Variants in IPO9 observed in about 807,000 individuals in gnomAD.
IPO9 encodes importin 9, also known as importin-9.
In IPO9, 28 loss-of-function variants were observed where a neutral mutation model predicts 128.6. That is an observed-to-expected ratio of 0.22 (90% CI 0.16 to 0.30). The LOEUF (loss-of-function observed/expected upper bound fraction) is 0.30, where lower values mean the gene tolerates loss of function less well. Ranked by LOEUF, IPO9 falls within the 10% of genes least tolerant of loss-of-function variation. The probability of loss-of-function intolerance (pLI) is 1.00; values close to 1 mark genes in which losing one functional copy is unlikely to be tolerated. For missense variants in IPO9, 935 were observed against 1,293.9 expected, an observed-to-expected ratio of 0.72 and a Z score of 4.26; for synonymous variants, 455 against 475.8, an observed-to-expected ratio of 0.96 and a Z score of 0.57.
Position 201,868,680 on chromosome 1 carries a change from T to G in IPO9, c.1888T>G (p.Phe630Val), listed in dbSNP as rs746792757. 6.2e-7 allele frequency: 1 copy of G among 1,613,970 alleles called. No homozygotes were observed. Among genetic ancestry groups the G allele is most frequent in the South Asian group, 1.1e-5 (1 of 91,014 alleles). ...PVVASLAQDI[F>V]KELSQIEACQ... ...CGTCGCCTCACTGGCTCAGGACATC[T>G]TCAAGGAGCTGTCCCAGATTGAAGC... Residue 630 changes from phenylalanine to valine, a missense_variant, in exon 16 of 24, where the codon TTC becomes GTC. Transcript: ENST00000361565.
At chr1:201,860,078 C>A (rs1032451985) in intron 13 of IPO9, among the ~76,000 whole-genome samples, 1 of 152,192 alleles carries the variant, frequency 6.6e-6, no homozygotes, top group South Asian at 2.1e-4. Context: ...CCATGCCATG[C>A]CTTTTCTCAT....
intron 1 of IPO9, among the ~76,000 whole-genome samples, chr1:201,832,256 C>CTT (rs11450190): frequency 0.28 from 40,263 of 143,422 alleles, 5,751 homozygotes; most frequent in Non-Finnish European, 0.33. Flanking sequence ...CTAGGAAACA[C>CTT]TTTTTTTTTT....
At chr1:201,829,405 C>T in intron 1 of IPO9, 33 bp downstream of exon 1, 2 of 1,524,118 alleles carry the variant, frequency 1.3e-6, no homozygotes, top group Non-Finnish European at 1.8e-6. Flanking sequence ...GAGGATGGCT[C>T]AGCCGCACAA....
Position 201,830,229 on chromosome 1 carries a change from T to A in IPO9, c.163+857T>A, listed in dbSNP as rs553435166. Among the ~76,000 whole-genome samples the A allele has an allele frequency of 3.9e-5, 6 of 152,316 alleles. No homozygotes were observed. In the South Asian group the frequency reaches 1.2e-3, roughly 32 times the overall value. On this transcript the variant is annotated intron_variant, in intron 1 of 23. Coordinates refer to ENST00000361565, the MANE Select transcript of IPO9 (RefSeq NM_018085.5). ...GTCTTTGTGTAAGAAATATATCTGG[T>A]CAGAGCTTCACTGGAACTCCAAATC...
At chr1:201,874,017 CTG>C (rs770070551) in intron 20 of IPO9, among the ~76,000 whole-genome samples, 9 of 152,210 alleles carry the variant, frequency 5.9e-5, no homozygotes, top group Admixed American at 1.3e-4. Context: ...ACTAACAAGA[CTG>C]TATCTCCTTT....
chr1:201,855,493 C>G (rs1680314480), intron 9 of IPO9, among the ~76,000 whole-genome samples: 1 of 152,182 alleles, frequency 6.6e-6, no homozygotes, highest in Non-Finnish European at 1.5e-5. Flanking sequence ...GATCATGAAT[C>G]TTTCGTTTCT....
intron 16 of IPO9, 27 bp downstream of exon 16, chr1:201,868,823 G>C (rs6667716): frequency 6.3e-7 from 1 of 1,585,870 alleles, no homozygotes; most frequent in South Asian, 1.1e-5. Flanking sequence ...GTGTGTGTGT[G>C]TGTGTGAGAG....
chr1:201,833,870 C>T (rs1679879362), intron 1 of IPO9, among the ~76,000 whole-genome samples: 2 of 152,162 alleles, frequency 1.3e-5, no homozygotes, highest in African/African-American at 2.4e-5. Context: ...ACTGCAGCTT[C>T]TAACTCCTGG....
chr1:201,857,737 G>A (rs1490426024), intron 11 of IPO9, among the ~76,000 whole-genome samples: 1 of 151,024 alleles, frequency 6.6e-6, no homozygotes, highest in East Asian at 1.9e-4. Flanking sequence ...GGAGGTTGTG[G>A]TGAGCCAAGA....
rs1680932725 is a variant in IPO9 at position 201,883,740 on chromosome 1, C to A, written c.*7686C>A. The A allele has an allele frequency of 6.6e-6, 1 of 152,238 alleles. No individual in the cohort carries two copies. Among genetic ancestry groups the A allele is most frequent in the Non-Finnish European group, 1.5e-5 (1 of 68,042 alleles). 9.4% of individuals were successfully genotyped at this position (152,238 alleles called of 1,614,324 possible). A position where few individuals can be genotyped will look rare whatever the true frequency, so the allele number is the denominator to read the frequency against. ...TAGCAGGATAGAGACTCATTCTCAT[C>A]TATTTTGGTTAAAAGAAAATAAATG... On this transcript the variant is annotated 3_prime_UTR_variant, in exon 24 of 24. Coordinates refer to ENST00000361565, the MANE Select transcript of IPO9 (RefSeq NM_018085.5).
intron 4 of IPO9, 63 bp from the exon 5 acceptor site, chr1:201,852,041 T>C (rs1680226435): frequency 1.9e-6 from 2 of 1,052,972 alleles, no homozygotes; most frequent in East Asian, 4.8e-5. Flanking sequence ...TCAGAAAATA[T>C]CACACTTAAT....
chr1:201,866,805 C>CT lies in IPO9; in HGVS notation c.1703dup (p.Leu568PhefsTer51). 6.2e-7 allele frequency: 1 copy of CT among 1,614,168 alleles called. No individual in the cohort carries two copies. The highest frequency in any genetic ancestry group is 8.5e-7 in the Non-Finnish European group (1 of 1,180,032). On this transcript the variant is annotated frameshift_variant, in exon 15 of 24. Transcript: ENST00000361565. LOFTEE classifies it high-confidence loss of function. ...CCTTCCTCCCCAGCATCCTTGATGGCTTAATTCACCTAGCAGCCCAGTTCA... is the reference window on the plus strand; with the variant it reads ...CCTTCCTCCCCAGCATCCTTGATGGCTTTAATTCACCTAGCAGCCCAGTTCA...
At chr1:201,843,274 T>G (rs1483941582) in intron 1 of IPO9, among the ~76,000 whole-genome samples, 1 of 152,210 alleles carries the variant, frequency 6.6e-6, no homozygotes, top group Non-Finnish European at 1.5e-5. Context: ...CCATTAGGAA[T>G]TCTGACCTAA....
rs574261414 is a variant in IPO9 at position 201,869,107 on chromosome 1, C to T, written c.2004+311C>T. Reference sequence around the variant, plus strand: ...CTCTACTAAAAATACAAAAATTAGCCGGGCATGGTGGCAGGCATCTGCAGT... The same window carrying T: ...CTCTACTAAAAATACAAAAATTAGCTGGGCATGGTGGCAGGCATCTGCAGT... On this transcript the variant is annotated intron_variant, in intron 16 of 23. Coordinates refer to ENST00000361565, the MANE Select transcript of IPO9 (RefSeq NM_018085.5). Among the ~76,000 whole-genome samples the T allele has an allele frequency of 3.9e-4, 59 of 152,180 alleles. 1 individual carries two copies. The highest frequency in any genetic ancestry group is 3.5e-3 in the South Asian group (17 of 4,828).
In IPO9 at chr1:201,847,314, C is replaced by T; in HGVS notation, c.199C>T (p.Pro67Ser). Residue 67 changes from proline (P) to serine (S), a missense_variant, in exon 2 of 24, where the codon CCC becomes TCC. This residue lies in a region of IPO9 where 741 missense variants were observed against 1,019.1 expected (regional missense o/e 0.73). Transcript: ENST00000361565. ...GVHLAELTVD[P>S]QGALAIRQLA... ...TCACTTGGCAGAACTGACTGTAGAT[C>T]CCCAGGGGGCACTGGCAATCCGTCA... 6.2e-7 allele frequency: 1 copy of T among 1,613,940 alleles called. No homozygotes were observed. The highest frequency in any genetic ancestry group is 8.5e-7 in the Non-Finnish European group (1 of 1,179,852).
chr1:201,830,871 A>G (rs556202854), intron 1 of IPO9, among the ~76,000 whole-genome samples: 5 of 152,342 alleles, frequency 3.3e-5, no homozygotes, highest in Admixed American at 2.0e-4. Flanking sequence ...CTTGACTTGT[A>G]TTTAAACTGT....
At position 201,874,891 on chromosome 1, in the gene IPO9, T is replaced by G. The variant is rs1273789043; in HGVS notation, c.2893T>G (p.Leu965Val). Residue 965 changes from leucine (L) to valine (V), a missense_variant, in exon 22 of 24, where the codon TTA (leucine) becomes GTA (valine). By Grantham distance (32) the Leu-to-Val change is conservative. Transcript: ENST00000361565. ...GGAAGAGGAGGAGGAGGAGGATGGT[T>G]TAGCTGGCCAACTTTTATCTGACAT... ...EEEEEEEEDGLAGQLLSDILA... is the reference protein window; with the variant it reads ...EEEEEEEEDGVAGQLLSDILA... 3 of 1,613,716 alleles carry G rather than the reference T, an allele frequency of 1.9e-6. No homozygotes were observed. Among genetic ancestry groups the G allele is most frequent in the Non-Finnish European group, 2.5e-6 (3 of 1,179,714 alleles).
chr1:201,862,544 C>A (rs1464739661), intron 13 of IPO9, among the ~76,000 whole-genome samples: 9 of 151,762 alleles, frequency 5.9e-5, no homozygotes, highest in African/African-American at 2.2e-4. Flanking sequence ...CCATGGCTCA[C>A]ACCTGTAATC....
intron 1 of IPO9, among the ~76,000 whole-genome samples, chr1:201,842,890 A>C (rs1680058246): frequency 6.6e-6 from 1 of 152,236 alleles, no homozygotes; most frequent in Non-Finnish European, 1.5e-5. Context: ...AGTTTGATAT[A>C]ATTGAGCTAA....
Sources: allele counts gnomAD v4.1 joint callset (sites outside exome capture counted in the v4.1 genomes callset), GRCh38; gene constraint gnomAD v4.1.1; regional missense constraint gnomAD v4.1.1; transcripts MANE v1.5; gene names NCBI Gene and HGNC (gene_info 2026-07-23, HGNC 2026-07-21).